SHANK2: variants seen among roughly 807,000 people sequenced by gnomAD.
The protein encoded by SHANK2 is SH3 and multiple ankyrin repeat domains 2, also known as SH3 and multiple ankyrin repeat domains protein 2.
SHANK2 carries 43 observed loss-of-function variants against 133.7 expected under a neutral mutation model. The ratio of observed to expected loss-of-function variants is 0.32; its 90% confidence interval spans 0.25 to 0.41. SHANK2 has a LOEUF of 0.41. Among genes scored for constraint, SHANK2 ranks in the 10% least tolerant of loss-of-function variants. The probability of loss-of-function intolerance (pLI) is 1.00; values close to 1 mark genes in which losing one functional copy is unlikely to be tolerated. For missense variants in SHANK2, 1,994 were observed against 2,235.8 expected (o/e 0.89, Z 2.18); for synonymous variants, 1,017 against 952.8 (o/e 1.07, Z -1.24).
intron 14 of SHANK2, among the ~76,000 whole-genome samples, chr11:70,740,304 G>A (rs1946496600): frequency 6.7e-6 from 1 of 148,254 alleles, no homozygotes; most frequent in Non-Finnish European, 1.5e-5. Context: ...TGTCCGCAAT[G>A]GGTTCTCGTG....
At chr11:70,868,270 C>T (rs375732420) in intron 11 of SHANK2, among the ~76,000 whole-genome samples, 47 of 152,262 alleles carry the variant, frequency 3.1e-4, no homozygotes, top group Admixed American at 3.9e-4. Context: ...CACCTGTCCA[C>T]GGACATGGGG....
At chr11:70,635,846 C>T (rs544118212) in intron 17 of SHANK2, among the ~76,000 whole-genome samples, 3 of 152,302 alleles carry the variant, frequency 2.0e-5, no homozygotes, top group South Asian at 2.1e-4. Context: ...CATAAACCCT[C>T]GGTCACGCTC....
intron 2 of SHANK2, among the ~76,000 whole-genome samples, chr11:71,150,350 GGGAGGGAGGGAGAGGGAGGGACAA>G (rs1363496922): frequency 9.5e-6 from 1 of 105,446 alleles, no homozygotes; most frequent in East Asian, 3.3e-4. Flanking sequence ...GGGACAGGGA[GGGAGGGAGGGAGAGGGAGGGACAA>G]GGAGGGAGGG....
intron 5 of SHANK2, among the ~76,000 whole-genome samples, chr11:71,110,743 C>A (rs1015440496): frequency 6.6e-6 from 1 of 152,198 alleles, no homozygotes; most frequent in African/African-American, 2.4e-5. Flanking sequence ...GTGTCTGGCA[C>A]GTGACAAGTA....
intron 1 of SHANK2, among the ~76,000 whole-genome samples, chr11:71,225,643 A>G (rs1954627181): frequency 6.6e-6 from 1 of 152,270 alleles, no homozygotes; most frequent in African/African-American, 2.4e-5. Context: ...TCAAACTGAA[A>G]AAAAGAAAAT....
At chr11:71,250,541 G>A (rs181879623) in intron 1 of SHANK2, among the ~76,000 whole-genome samples, 197 of 152,318 alleles carry the variant, frequency 1.3e-3, no homozygotes, top group African/African-American at 4.3e-3. Context: ...ACTGAACCCA[G>A]ATGGGGGCCG....
intron 1 of SHANK2, among the ~76,000 whole-genome samples, chr11:71,230,293 T>TA (rs1366255017): frequency 2.0e-5 from 3 of 149,532 alleles, no homozygotes; most frequent in African/African-American, 7.4e-5. Context: ...GACTCTGCCT[T>TA]AAAAAAAGCT....
intron 17 of SHANK2, among the ~76,000 whole-genome samples, chr11:70,628,731 C>T (rs2060938072): frequency 6.6e-6 from 1 of 152,230 alleles, no homozygotes; most frequent in Non-Finnish European, 1.5e-5. Context: ...GTTAGCACCG[C>T]CTCTGGGTGG....
chr11:70,527,323 C>G (rs1400667479), intron 17 of SHANK2, among the ~76,000 whole-genome samples: 2 of 152,170 alleles, frequency 1.3e-5, no homozygotes, highest in African/African-American at 4.8e-5. Context: ...CTTCTGGGGC[C>G]GGGCTGGACT....
chr11:70,808,968 T>C (rs1443026122), intron 12 of SHANK2, among the ~76,000 whole-genome samples: 2 of 152,158 alleles, frequency 1.3e-5, no homozygotes, highest in Admixed American at 6.5e-5. Context: ...CTGTATGTCA[T>C]TGATTTTGCA....
chr11:70,485,785 T>C lies in SHANK2; in HGVS notation c.4508A>G (p.His1503Arg), dbSNP rs781884141. ...EVDSRSSSDH[H>R]LETTSTISTV... ...GGAGATAGTGCTGGTCGTCTCGAGG[T>C]GGTGGTCGCTGCTACTCCGGCTGTC... is the stretch of plus-strand genomic sequence containing the variant. The change falls in exon 25 of 26, where the codon CAC (histidine) becomes CGC (arginine). Residue 1503 changes from histidine (H) to arginine (R), a missense_variant. Physicochemically the swap from His to Arg is conservative, Grantham distance 29. Around this residue, in one of 5 missense-constraint regions of SHANK2, gnomAD observed 797 missense variants for 907.4 expected, o/e 0.88. Coordinates refer to ENST00000601538, the MANE Select transcript of SHANK2 (RefSeq NM_012309.5). This position sits in a 1 kb window ranked among gnomAD's most constrained non-coding sequence, Gnocchi z 5.8. 2 of 1,613,502 alleles carry C rather than the reference T, an allele frequency of 1.2e-6. No homozygotes were observed. The highest frequency in any genetic ancestry group is 1.7e-6 in the Non-Finnish European group (2 of 1,179,880).
At chr11:71,092,778 C>T (rs575080874) in intron 7 of SHANK2, among the ~76,000 whole-genome samples, 189 bp from the exon 8 acceptor site, 6 of 152,226 alleles carry the variant, frequency 3.9e-5, no homozygotes, top group East Asian at 3.9e-4. Context: ...TGGTGGCTGA[C>T]GCCTATGATC....
chr11:70,746,526 G>T (rs1326596259), intron 14 of SHANK2, among the ~76,000 whole-genome samples: 4 of 138,906 alleles, frequency 2.9e-5, no homozygotes, highest in Non-Finnish European at 6.2e-5. Flanking sequence ...CTCACAGCAC[G>T]CATCTCCTCT....
intron 14 of SHANK2, chr11:70,705,665 A>T (rs1216312182): frequency 6.6e-6 from 1 of 152,198 alleles, no homozygotes; most frequent in Non-Finnish European, 1.5e-5. Flanking sequence ...TTCCTTAACC[A>T]TGGAGAAACT....
intron 6 of SHANK2, among the ~76,000 whole-genome samples, chr11:71,102,001 C>G (rs1200384119): frequency 6.6e-6 from 1 of 152,224 alleles, no homozygotes; most frequent in African/African-American, 2.4e-5. Context: ...GTAAAGGAAC[C>G]ATCTCTTTTT....
chr11:71,194,183 G>A (rs1953851847), intron 2 of SHANK2, among the ~76,000 whole-genome samples: 1 of 152,188 alleles, frequency 6.6e-6, no homozygotes, highest in Non-Finnish European at 1.5e-5. Flanking sequence ...CCCAGGGAAA[G>A]TTTTGTGTTC....
chr11:71,217,605 C>T (rs1954439701), intron 2 of SHANK2, among the ~76,000 whole-genome samples: 2 of 152,202 alleles, frequency 1.3e-5, no homozygotes, highest in Middle Eastern at 3.2e-3. Flanking sequence ...ACGCATGTTA[C>T]TGCCCCTGAA....
chr11:71,131,968 G>C (rs782357200), intron 3 of SHANK2, among the ~76,000 whole-genome samples: 10 of 152,178 alleles, frequency 6.6e-5, no homozygotes, highest in African/African-American at 1.9e-4. Context: ...GGGATTAAGG[G>C]GGTCCCCGAG....
intron 14 of SHANK2, among the ~76,000 whole-genome samples, chr11:70,731,300 G>A (rs1408620644): frequency 2.6e-5 from 4 of 152,134 alleles, no homozygotes; most frequent in Admixed American, 6.5e-5. Context: ...ATGGCACCTC[G>A]GCCTATGACT....
Sources: allele counts gnomAD v4.1 joint callset (sites outside exome capture counted in the v4.1 genomes callset), GRCh38; gene constraint gnomAD v4.1.1; regional missense constraint gnomAD v4.1.1; non-coding constraint Gnocchi (gnomAD v3.1); transcripts MANE v1.5; gene names NCBI Gene and HGNC (gene_info 2026-07-23, HGNC 2026-07-21).